Variants in SLA observed in about 807,000 individuals in gnomAD.
The protein encoded by SLA is src-like-adapter.
A neutral mutation model predicts 30.3 loss-of-function variants in SLA; 16 were observed. The ratio of observed to expected loss-of-function variants is 0.53; its 90% CI spans 0.36 to 0.80. SLA has a LOEUF of 0.80. SLA is among the 30% of genes least tolerant of loss of function. SLA has a pLI of 0.01. For synonymous variants in SLA, 143 were observed against 137.8 expected (o/e 1.04, Z -0.26); for missense variants, 310 against 345.2 (o/e 0.90, Z 0.81).
intron 1 of SLA, among the ~76,000 whole-genome samples, chr8:133,077,743 G>A (rs1433036913): frequency 6.6e-6 from 1 of 151,312 alleles, no homozygotes; most frequent in African/African-American, 2.4e-5. Context: ...GTATGTGTGT[G>A]TGTGTGTGTG....
Position 133,041,361 on chromosome 8 carries a change from C to G in SLA, c.485-1231G>C, listed in dbSNP as rs559732353. Among the ~76,000 whole-genome samples the G allele has an allele frequency of 5.9e-5, 9 of 152,322 alleles. No homozygotes were observed. The South Asian group carries it at 1.7e-3, about 28-fold the overall frequency. ...GAAGCACACTCAGTCTGTCACAGGG[C>G]GGGCAAGCCAGGAAGACCTCGTTTC... On this transcript the variant is annotated intron_variant, in intron 7 of 8. Coordinates refer to ENST00000338087, the MANE Select transcript of SLA (RefSeq NM_001045556.3).
At chr8:133,095,163 C>T (rs767338157) in intron 1 of SLA, 3 of 1,614,216 alleles carry the variant, frequency 1.9e-6, no homozygotes, top group Non-Finnish European at 2.5e-6. Context: ...TGGTGTCCTG[C>T]CTCCGCCAGA....
intron 1 of SLA, chr8:133,096,460 T>C (rs1031332278): frequency 6.6e-7 from 1 of 1,516,162 alleles, no homozygotes; most frequent in Non-Finnish European, 9.1e-7. Flanking sequence ...CAAGAGATAT[T>C]GACCAATTGC....
intron 2 of SLA, among the ~76,000 whole-genome samples, chr8:133,062,152 A>G (rs1842454082): frequency 6.6e-6 from 1 of 152,206 alleles, no homozygotes; most frequent in Non-Finnish European, 1.5e-5. Flanking sequence ...TGTGACTAGA[A>G]AAGAGGATGC....
At position 133,050,810 on chromosome 8, in the gene SLA, A is replaced by T. The variant is rs1840260269; in HGVS notation, c.161+6T>A. 6.4e-7 allele frequency: 1 copy of T among 1,573,902 alleles called. No homozygotes were observed. The highest frequency in any genetic ancestry group is 1.3e-5 in the African/African-American group (1 of 74,236). On this transcript the variant is annotated splice_donor_region_variant and intron_variant, in intron 4 of 8. Coordinates refer to ENST00000338087, the MANE Select transcript of SLA (RefSeq NM_001045556.3). The stretch of plus-strand genomic sequence containing the variant: ...AGATTGCACAAGTTTTGGAGAGCTG[A>T]CTCACTCAGAAATCACACGCAGTTT...
chr8:133,077,917 T>A (rs536503837), intron 1 of SLA, among the ~76,000 whole-genome samples: 3 of 152,032 alleles, frequency 2.0e-5, no homozygotes, highest in African/African-American at 7.2e-5. Context: ...AATTGTCAAA[T>A]GTGCCCTAGG....
intron 6 of SLA, chr8:133,047,010 A>G (rs1564113250): frequency 6.6e-6 from 1 of 152,284 alleles, no homozygotes; most frequent in East Asian, 1.9e-4. Flanking sequence ...TAAAAAAGTT[A>G]TTATTATTAT....
chr8:133,074,993 C>T lies in SLA; in HGVS notation c.-181G>A. On this transcript the variant is annotated 5_prime_UTR_variant, in exon 2 of 9. Transcript: ENST00000338087. ...GCTTCTCGCGGTTGTGGAGAAGCAG[C>T]CCATGCTACACAGAAGAACTGCAGT... is the stretch of plus-strand genomic sequence containing the variant. The T allele has an allele frequency of 2.0e-6, 2 of 985,446 alleles. No homozygotes were observed. Among genetic ancestry groups the T allele is most frequent in the Non-Finnish European group, 2.4e-6 (2 of 829,950 alleles). The allele number at this position is 985,446 out of a possible 1,614,324, so 61.0% of individuals were successfully genotyped here. A position where few individuals can be genotyped will look rare whatever the true frequency, so the allele number is the denominator to read the frequency against.
rs184146653 is a variant in SLA at position 133,057,001 on chromosome 8, G to A, written c.61+3099C>T. On this transcript the variant is annotated intron_variant, in intron 3 of 8. Transcript: ENST00000338087. ...TTTCAGTTACTTCCCAGGGGATTCT[G>A]ATGCAGGTGGTGCGAAGACCACTTA... is the stretch of plus-strand genomic sequence containing the variant. Among the ~76,000 whole-genome samples the A allele has an allele frequency of 2.2e-4, 33 of 152,324 alleles. No individual in the cohort carries two copies. The East Asian group carries it at 6.2e-3, about 29-fold the overall frequency.
chr8:133,049,654 G>A, intron 5 of SLA: 1 of 494,446 alleles, frequency 2.0e-6, no homozygotes, highest in Non-Finnish European at 3.7e-6. Context: ...TGTGCCAGGA[G>A]CACCATGTTA....
In SLA at chr8:133,060,637, T is replaced by A. The variant is rs1169012558; in HGVS notation, c.-40-437A>T. 1.6e-4 allele frequency among the ~76,000 whole-genome samples: 24 copies of A among 152,196 alleles called. 1 individual carries two copies. Among genetic ancestry groups the A allele is most frequent in the Non-Finnish European group, 1.5e-5 (1 of 68,032 alleles). ...TACAACCAAAGGCATGAGGAGAAGG[T>A]ACTTTCTGCTGCTACTTTTTGTCAT... On this transcript the variant is annotated intron_variant, in intron 2 of 8. Coordinates refer to ENST00000338087, the MANE Select transcript of SLA (RefSeq NM_001045556.3).
chr8:133,046,577 C>G (rs1367684555), intron 6 of SLA: 1 of 152,288 alleles, frequency 6.6e-6, no homozygotes, highest in Non-Finnish European at 1.5e-5. Context: ...CCACCCAGCC[C>G]CAGCACAATG....
chr8:133,055,670 A>T (rs545322045), intron 3 of SLA, among the ~76,000 whole-genome samples: 1 of 152,204 alleles, frequency 6.6e-6, no homozygotes, highest in Non-Finnish European at 1.5e-5. Flanking sequence ...TGCTAGAGGG[A>T]TATAGGCAGG....
At chr8:133,087,693 T>A (rs545056584) in intron 1 of SLA, 1 of 152,204 alleles carries the variant, frequency 6.6e-6, no homozygotes, top group Non-Finnish European at 1.5e-5. Context: ...AAAAAGCCAA[T>A]AGAACTCCTC....
Position 133,044,987 on chromosome 8 carries a change from A to C in SLA, c.481T>G (p.Ser161Ala). 1.2e-6 allele frequency: 2 copies of C among 1,614,176 alleles called. No individual in the cohort carries two copies. Among genetic ancestry groups the C allele is most frequent in the Non-Finnish European group, 1.7e-6 (2 of 1,179,990 alleles). ...QCLEDLVNHY[S>A]EVADGLCCVL... is the part of the protein sequence containing the mutation. ...CTCCATATTGTATGTCTCTTACCAG[A>C]ATAGTGGTTCACCAGGTCCTCCAGG... Residue 161 changes from serine to alanine, a missense_variant, in exon 7 of 9, where the codon TCT becomes GCT. By Grantham distance (99) the Ser-to-Ala change is moderately conservative. Transcript: ENST00000338087.
chr8:133,087,157 C>T (rs1846719832), intron 1 of SLA, among the ~76,000 whole-genome samples: 1 of 151,088 alleles, frequency 6.6e-6, no homozygotes, highest in Non-Finnish European at 1.5e-5. Context: ...TAGCATTTAA[C>T]AGTGGTTTTC....
At chr8:133,097,585 G>A (rs1469828748) in intron 1 of SLA, among the ~76,000 whole-genome samples, 1 of 152,128 alleles carries the variant, frequency 6.6e-6, no homozygotes, top group Non-Finnish European at 1.5e-5. Flanking sequence ...AATTAAGATA[G>A]CATTCATATT....
chr8:133,036,806 T>C lies in SLA; in HGVS notation c.*1718A>G, dbSNP rs1300820838. The C allele has an allele frequency of 2.6e-5, 4 of 152,656 alleles. No individual in the cohort carries two copies. Among genetic ancestry groups the C allele is most frequent in the African/African-American group, 9.7e-5 (4 of 41,450 alleles). 9.5% of individuals were successfully genotyped at this position (152,656 alleles called of 1,614,324 possible). Reference sequence around the variant, plus strand: ...TTTAGCAAAGTGTAATGCTTCCCACTGAGAAATCCCTCTGGGTGCTCCCCA... The same window carrying C: ...TTTAGCAAAGTGTAATGCTTCCCACCGAGAAATCCCTCTGGGTGCTCCCCA... On this transcript the variant is annotated 3_prime_UTR_variant, in exon 9 of 9. Transcript: ENST00000338087.
intron 1 of SLA, among the ~76,000 whole-genome samples, chr8:133,088,726 A>G (rs923744619): frequency 2.0e-5 from 3 of 152,194 alleles, no homozygotes; most frequent in Admixed American, 6.5e-5. Flanking sequence ...CTCCTAGATC[A>G]TGTCTATACC....
Sources: allele counts gnomAD v4.1 joint callset (sites outside exome capture counted in the v4.1 genomes callset), GRCh38; gene constraint gnomAD v4.1.1; transcripts MANE v1.5; gene names NCBI Gene and HGNC (gene_info 2026-07-23, HGNC 2026-07-21).